PKHD1: variants seen among roughly 807,000 people sequenced by gnomAD.
PKHD1 encodes PKHD1 ciliary IPT domain containing fibrocystin/polyductin, also known as fibrocystin.
In PKHD1, 291 loss-of-function variants were observed where a neutral mutation model predicts 412.0. That is an observed-to-expected ratio of 0.71 (90% CI 0.64 to 0.78). PKHD1 has a LOEUF of 0.78. Ranked by LOEUF, PKHD1 falls within the 30% of genes least tolerant of loss-of-function variation. PKHD1 has a pLI of 0.00. For synonymous variants in PKHD1, 1,777 were observed against 1,821.5 expected (o/e 0.98, Z 0.62); for missense variants, 4,825 against 4,950.7 (o/e 0.97, Z 0.76).
chr6:51,690,432 G>C (rs1286522434), intron 60 of PKHD1, among the ~76,000 whole-genome samples: 2 of 152,132 alleles, frequency 1.3e-5, no homozygotes, highest in African/African-American at 4.8e-5. Flanking sequence ...CAGGCCTATA[G>C]TAATCAAAAC....
In PKHD1 at chr6:51,753,328, G is replaced by C. The variant is rs762630992; in HGVS notation, c.8823C>G (p.Gly2941=). ...HIGSVHVTED[G]RHIRLAAEVG... is the part of the protein sequence containing the mutation. ...CCTCAGCAGCCAAACGAATGTGTCG[G>C]CCATCCTCCGTGACATGTACACTTC... Residue 2941 remains glycine, a synonymous_variant, in exon 57 of 67, where the codon GGC becomes GGG. Transcript: ENST00000371117. 1.2e-5 allele frequency: 19 copies of C among 1,613,562 alleles called. No individual in the cohort carries two copies. The highest frequency in any genetic ancestry group is 1.4e-5 in the Non-Finnish European group (16 of 1,179,712).
chr6:52,065,916 A>G, intron 12 of PKHD1, 60 bp downstream of exon 12: 1 of 859,722 alleles, frequency 1.2e-6, no homozygotes, highest in Non-Finnish European at 2.0e-6. Context: ...CCATACAGAC[A>G]TATAATCTCC....
intron 37 of PKHD1, among the ~76,000 whole-genome samples, chr6:51,919,466 C>T (rs983373298): frequency 6.6e-6 from 1 of 152,130 alleles, no homozygotes; most frequent in African/African-American, 2.4e-5. Flanking sequence ...TCTGAGGGCT[C>T]TGTTCTGTTC....
intron 65 of PKHD1, among the ~76,000 whole-genome samples, chr6:51,628,227 C>T (rs1767519973): frequency 6.6e-6 from 1 of 152,092 alleles, no homozygotes; most frequent in South Asian, 2.1e-4. Context: ...TACCCCCCTC[C>T]CACCTTCCCC....
intron 61 of PKHD1, among the ~76,000 whole-genome samples, chr6:51,656,469 A>T (rs1369748038): frequency 1.3e-5 from 2 of 152,040 alleles, no homozygotes; most frequent in Non-Finnish European, 2.9e-5. Flanking sequence ...AACAAATGAC[A>T]ACAGAGATCA....
At chr6:51,946,480 C>T (rs1264625012) in intron 36 of PKHD1, among the ~76,000 whole-genome samples, 1 of 152,186 alleles carries the variant, frequency 6.6e-6, no homozygotes, top group Non-Finnish European at 1.5e-5. Context: ...CATCCTCACA[C>T]TTTATTAGTT....
intron 35 of PKHD1, chr6:51,975,595 A>G: frequency 6.9e-6 from 1 of 145,586 alleles, no homozygotes; most frequent in Non-Finnish European, 1.5e-5. Flanking sequence ...ACAAGATAAT[A>G]CTTTACATCC....
intron 37 of PKHD1, among the ~76,000 whole-genome samples, chr6:51,920,298 C>G (rs1297705706): frequency 6.6e-6 from 1 of 152,198 alleles, no homozygotes; most frequent in East Asian, 1.9e-4. Flanking sequence ...TGACATACAT[C>G]CCGTCAATAC....
intron 52 of PKHD1, among the ~76,000 whole-genome samples, chr6:51,814,172 T>C (rs1293630733): frequency 6.6e-6 from 1 of 152,188 alleles, no homozygotes; most frequent in Non-Finnish European, 1.5e-5. Flanking sequence ...GGCTTTCAGA[T>C]GAATAAGTTA....
At chr6:51,946,904 C>T (rs181067520) in intron 36 of PKHD1, among the ~76,000 whole-genome samples, 3 of 152,288 alleles carry the variant, frequency 2.0e-5, no homozygotes, top group Admixed American at 2.0e-4. Flanking sequence ...AACAATTAGT[C>T]ATCCTCTATA....
chr6:51,659,004 T>C lies in PKHD1; in HGVS notation c.11122A>G (p.Met3708Val). The C allele has an allele frequency of 6.2e-7, 1 of 1,613,234 alleles. No homozygotes were observed. The highest frequency in any genetic ancestry group is 8.5e-7 in the Non-Finnish European group (1 of 1,179,314). ...QTGVLENVLN[M>V]TIGALLVTQS... The stretch of plus-strand genomic sequence containing the variant: ...GTAACTAGTAAGGCCCCGATAGTCA[T>C]ATTCAGAACATTCTCTAGTACCCCA... The change falls in exon 61 of 67, where the codon ATG (methionine) becomes GTG (valine). Residue 3708 changes from methionine (M) to valine (V), a missense_variant. Coordinates refer to ENST00000371117, the MANE Select transcript of PKHD1 (RefSeq NM_138694.4).
At chr6:51,627,467 T>C (rs1395958882) in intron 65 of PKHD1, among the ~76,000 whole-genome samples, 1 of 152,018 alleles carries the variant, frequency 6.6e-6, no homozygotes, top group Non-Finnish European at 1.5e-5. Flanking sequence ...CATGCTGGAA[T>C]AATATTCTTG....
Position 51,748,068 on chromosome 6 carries a change from A to G in PKHD1, c.9548T>C (p.Val3183Ala), listed in dbSNP as rs1365345118. The G allele has an allele frequency of 1.2e-6, 2 of 1,613,924 alleles. No individual in the cohort carries two copies. The highest frequency in any genetic ancestry group is 2.7e-5 in the African/African-American group (2 of 74,920). Residue 3183 changes from valine (V) to alanine (A), a missense_variant, in exon 58 of 67, where the codon GTG (valine) becomes GCG (alanine). Physicochemically the swap from Val to Ala is moderately conservative, Grantham distance 64 (BLOSUM62 0). Coordinates refer to ENST00000371117, the MANE Select transcript of PKHD1 (RefSeq NM_138694.4). ...VDNTIGLLAVVYVFSAPQNSV... is the reference protein window; with the variant it reads ...VDNTIGLLAVAYVFSAPQNSV... The stretch of plus-strand genomic sequence containing the variant: ...ATTTTGTGGAGCAGAAAATACATAC[A>G]CTACTGCCAAAAGACCAATAGTATT...
chr6:51,867,542 T>C (rs990989965), intron 48 of PKHD1, among the ~76,000 whole-genome samples: 4 of 152,150 alleles, frequency 2.6e-5, no homozygotes, highest in African/African-American at 9.7e-5. Context: ...TTTTTAATAA[T>C]ACTTTTAATT....
intron 13 of PKHD1, among the ~76,000 whole-genome samples, chr6:52,063,652 TATGCATTGCACA>T (rs1299309720): frequency 6.6e-6 from 1 of 152,224 alleles, no homozygotes; most frequent in Non-Finnish European, 1.5e-5. Flanking sequence ...GGGGGTGTCC[TATGCATTGCACA>T]ATGTCTAGCA....
Position 51,632,733 on chromosome 6 carries a change from G to A in PKHD1, c.11507-10C>T. ...GCTGTAAAATTGACTCCTGTGGCGG[G>A]GAAAAGAAGATGTTTCAATGATATG... On this transcript the variant is annotated splice_polypyrimidine_tract_variant and intron_variant, in intron 64 of 66. Coordinates refer to ENST00000371117, the MANE Select transcript of PKHD1 (RefSeq NM_138694.4). 1 of 1,609,590 alleles carries A rather than the reference G, an allele frequency of 6.2e-7. No homozygotes were observed. The highest frequency in any genetic ancestry group is 8.5e-7 in the Non-Finnish European group (1 of 1,176,734).
At chr6:51,884,899 T>C (rs1777966670) in intron 45 of PKHD1, among the ~76,000 whole-genome samples, 1 of 152,202 alleles carries the variant, frequency 6.6e-6, no homozygotes. Flanking sequence ...AAGCATTTTA[T>C]AAAATTAAAT....
intron 66 of PKHD1, among the ~76,000 whole-genome samples, chr6:51,625,755 ACT>A (rs1340545921): frequency 1.3e-5 from 2 of 152,146 alleles, no homozygotes; most frequent in Non-Finnish European, 2.9e-5. Context: ...TGCTCCTGCC[ACT>A]CTCTGCAGAT....
chr6:51,685,314 T>C (rs774778813), intron 60 of PKHD1, among the ~76,000 whole-genome samples: 1 of 152,106 alleles, frequency 6.6e-6, no homozygotes, highest in Non-Finnish European at 1.5e-5. Flanking sequence ...GTCATAAAAT[T>C]AACCAGATTT....
Sources: gnomAD v4.1 joint callset for allele counts (sites outside exome capture counted in the v4.1 genomes callset) on GRCh38, gnomAD v4.1.1 for gene constraint, MANE v1.5 for transcripts, NCBI Gene and HGNC (gene_info 2026-07-23, HGNC 2026-07-21) for gene names.